Variants in EPS15L1 observed in about 807,000 individuals in gnomAD.
EPS15L1 encodes the protein epidermal growth factor receptor pathway substrate 15 like 1.
In EPS15L1, 43 loss-of-function variants were observed where a neutral mutation model predicts 117.1. The observed-to-expected ratio is 0.37, with a 90% CI of 0.29 to 0.47. The LOEUF is 0.47. Ranked by LOEUF, EPS15L1 falls within the 20% of genes least tolerant of loss-of-function variation. EPS15L1 has a pLI of 0.99. For missense variants in EPS15L1, 981 were observed against 1,164.0 expected, an observed-to-expected ratio of 0.84 and a Z score of 2.29; for synonymous variants, 459 against 470.5, an observed-to-expected ratio of 0.98 and a Z score of 0.32.
At chr19:16,467,300 C>G (rs979977307) in intron 1 of EPS15L1, among the ~76,000 whole-genome samples, 1 of 151,872 alleles carries the variant, frequency 6.6e-6, no homozygotes, top group Non-Finnish European at 1.5e-5. Context: ...AGGCGTCCGC[C>G]AGGACGCCAG....
intron 4 of EPS15L1, among the ~76,000 whole-genome samples, chr19:16,439,485 A>C (rs2093009085): frequency 6.6e-6 from 1 of 152,148 alleles, no homozygotes; most frequent in South Asian, 2.1e-4. Context: ...TGAGCACAGG[A>C]GTTTGAGACC....
At position 16,471,705 on chromosome 19, in the gene EPS15L1, G is replaced by A. The variant is rs1465754217; in HGVS notation, c.33+208C>T. The stretch of plus-strand genomic sequence containing the variant: ...GCGCTGCGCACCTCCTCGCCTCGCC[G>A]GTGCCCGCGAGGGTCGCTCGGGCAC... On this transcript the variant is annotated intron_variant, in intron 1 of 23. Coordinates refer to ENST00000455140, the MANE Select transcript of EPS15L1 (RefSeq NM_001258374.3). This position sits in a 1 kb window ranked among gnomAD's most constrained non-coding sequence, Gnocchi z 4.8. 6.6e-6 allele frequency among the ~76,000 whole-genome samples: 1 copy of A among 151,764 alleles called. No homozygotes were observed. The highest frequency in any genetic ancestry group is 1.5e-5 in the Non-Finnish European group (1 of 67,852).
chr19:16,376,984 G>T, intron 22 of EPS15L1, 138 bp downstream of exon 22: 2 of 1,131,780 alleles, frequency 1.8e-6, no homozygotes, highest in Non-Finnish European at 2.5e-6. Context: ...TGGGCAGCTG[G>T]GCCGGGGGGA....
intron 1 of EPS15L1, among the ~76,000 whole-genome samples, chr19:16,458,799 G>A (rs766871790): frequency 3.3e-5 from 5 of 152,064 alleles, no homozygotes; most frequent in East Asian, 1.9e-4. Flanking sequence ...TCCTTCCCCC[G>A]GCTGGCAGAG....
At chr19:16,376,571 T>C (rs2092298304) in intron 22 of EPS15L1, among the ~76,000 whole-genome samples, 1 of 152,134 alleles carries the variant, frequency 6.6e-6, no homozygotes, top group Non-Finnish European at 1.5e-5. Context: ...CCCCGAGCCA[T>C]CCTGCCTCCT....
chr19:16,396,383 T>A (rs2092540956), intron 16 of EPS15L1, among the ~76,000 whole-genome samples: 1 of 152,172 alleles, frequency 6.6e-6, no homozygotes, highest in African/African-American at 2.4e-5. Context: ...CACGTCGGTC[T>A]CCCGAGTAGC....
At chr19:16,412,880 C>T (rs368354071) in intron 13 of EPS15L1, 3 of 605,536 alleles carry the variant, frequency 5.0e-6, no homozygotes, top group Non-Finnish European at 6.2e-6. Flanking sequence ...GAGTGGATGC[C>T]CATCACCAAG....
chr19:16,446,704 C>T (rs2093086417), intron 1 of EPS15L1, among the ~76,000 whole-genome samples: 1 of 152,184 alleles, frequency 6.6e-6, no homozygotes, highest in Admixed American at 6.5e-5. Flanking sequence ...TGTCACAGGG[C>T]TGTGCACCGG....
At chr19:16,377,766 C>T (rs1336238241) in intron 21 of EPS15L1, among the ~76,000 whole-genome samples, 48 of 152,220 alleles carry the variant, frequency 3.2e-4, no homozygotes, top group Admixed American at 3.1e-3. Context: ...ACCAGACTTT[C>T]TTCCTCCATG....
At position 16,370,700 on chromosome 19, in the gene EPS15L1, G is replaced by A. The variant is rs2092210932; in HGVS notation, c.2380+6422C>T. Among the ~76,000 whole-genome samples the A allele has an allele frequency of 6.6e-6, 1 of 152,218 alleles. No homozygotes were observed. The highest frequency in any genetic ancestry group is 2.4e-5 in the African/African-American group (1 of 41,446). ...CAGAAAGTGCTCCAAACGGCAATCT[G>A]CCTGCAGTCAGTTTAAACATACAAG... is the stretch of plus-strand genomic sequence containing the variant. On this transcript the variant is annotated intron_variant, in intron 22 of 23. Transcript: ENST00000455140. The surrounding 1 kb of genome is among the most constrained non-coding windows in gnomAD (Gnocchi z 5.2).
At chr19:16,402,554 T>C (rs2092613519) in intron 15 of EPS15L1, 69 bp from the exon 16 acceptor site, 3 of 1,444,200 alleles carry the variant, frequency 2.1e-6, no homozygotes, top group African/African-American at 2.9e-5. Flanking sequence ...CGCTTTTTTT[T>C]TTTAAAACAC....
intron 1 of EPS15L1, among the ~76,000 whole-genome samples, chr19:16,455,984 T>C (rs967286666): frequency 6.6e-6 from 1 of 152,204 alleles, no homozygotes; most frequent in African/African-American, 2.4e-5. Context: ...GTGGATCACC[T>C]GAGGTCAGGA....
chr19:16,447,393 CAAAG>C (rs2093094466), intron 1 of EPS15L1, among the ~76,000 whole-genome samples: 1 of 152,078 alleles, frequency 6.6e-6, no homozygotes, highest in African/African-American at 2.4e-5. Flanking sequence ...TAAAAATGAG[CAAAG>C]AGAGAGGCAA....
At chr19:16,386,316 T>G in intron 19 of EPS15L1, 85 bp from the exon 20 acceptor site, 1 of 1,049,404 alleles carries the variant, frequency 9.5e-7, no homozygotes, top group Non-Finnish European at 1.5e-6. Context: ...CTGACGTCGA[T>G]GTACAACATC....
intron 22 of EPS15L1, among the ~76,000 whole-genome samples, chr19:16,372,257 G>C (rs1039811480): frequency 3.9e-5 from 6 of 152,182 alleles, no homozygotes; most frequent in African/African-American, 1.4e-4. Flanking sequence ...CCAGGTGGAG[G>C]GGTCCACCTG....
At chr19:16,469,869 T>G (rs769855342) in intron 1 of EPS15L1, among the ~76,000 whole-genome samples, 10 of 152,246 alleles carry the variant, frequency 6.6e-5, no homozygotes, top group Middle Eastern at 3.4e-3. Flanking sequence ...AATTATACCC[T>G]TGGTTCCCCC....
chr19:16,400,569 T>C (rs2092590575), intron 16 of EPS15L1: 5 of 889,392 alleles, frequency 5.6e-6, no homozygotes, highest in African/African-American at 1.8e-5. Flanking sequence ...TCTTGAAGTG[T>C]TCAGGAGTAA....
At position 16,425,202 on chromosome 19, in the gene EPS15L1, C is replaced by T. The variant is rs767360401; in HGVS notation, c.673G>A (p.Val225Ile). ...TTTGGTGGGGGGCTGGCAGGCAGGA[C>T]GGGGACGGCGCCAGGGAACACAGTC... is the stretch of plus-strand genomic sequence containing the variant. ...KKTVFPGAVP[V>I]LPASPPPKDS... Residue 225 changes from valine (V) to isoleucine (I), a missense_variant, in exon 9 of 24, where the codon GTC becomes ATC. Transcript: ENST00000455140. The T allele has an allele frequency of 2.7e-5, 36 of 1,346,500 alleles. No individual in the cohort carries two copies. The highest frequency in any genetic ancestry group is 9.7e-5 in the East Asian group (2 of 20,604). The allele number at this position is 1,346,500 out of a possible 1,614,324, so 83.4% of individuals were successfully genotyped here.
intron 21 of EPS15L1, among the ~76,000 whole-genome samples, chr19:16,384,536 A>C (rs186133150): frequency 5.9e-5 from 9 of 152,258 alleles, no homozygotes; most frequent in Admixed American, 5.9e-4. Context: ...GAGAAGCCCT[A>C]CAGCTGTCTG....
Sources: gnomAD v4.1 joint callset for allele counts (sites outside exome capture counted in the v4.1 genomes callset) on GRCh38, gnomAD v4.1.1 for gene constraint, Gnocchi (gnomAD v3.1) non-coding constraint, MANE v1.5 for transcripts, NCBI Gene and HGNC (gene_info 2026-07-23, HGNC 2026-07-21) for gene names.